KCNIP4: variants seen among roughly 807,000 people sequenced by gnomAD.
The protein encoded by KCNIP4 is potassium voltage-gated channel interacting protein 4.
In KCNIP4, 12 loss-of-function variants were observed where a neutral mutation model predicts 34.0. The observed-to-expected ratio is 0.35, with a 90% confidence interval of 0.23 to 0.57. The LOEUF is 0.57. KCNIP4 is among the 20% of genes least tolerant of loss of function. KCNIP4 has a pLI of 0.83. For missense variants in KCNIP4, 238 were observed against 311.7 expected (o/e 0.76, Z 1.78); for synonymous variants, 124 against 102.2 (o/e 1.21, Z -1.29).
chr4:21,840,719 A>T (rs944212666), intron 1 of KCNIP4, among the ~76,000 whole-genome samples: 14 of 152,282 alleles, frequency 9.2e-5, no homozygotes, highest in South Asian at 6.2e-4. Flanking sequence ...TTTAGTCTTG[A>T]ACAGACTGAA....
rs192585622 is a variant in KCNIP4 at position 20,877,699 on chromosome 4, G to A, written c.163+4909C>T. ...CAACTGGCTCTCCTGGGTGCCAACC[G>A]TATGAAATTTTCTTTTCCTCTCCTT... is the stretch of plus-strand genomic sequence containing the variant. On this transcript the variant is annotated intron_variant, in intron 2 of 8. Coordinates refer to ENST00000382152, the MANE Select transcript of KCNIP4 (RefSeq NM_025221.6). Among the ~76,000 whole-genome samples the A allele has an allele frequency of 1.8e-4, 27 of 152,210 alleles. No individual in the cohort carries two copies. The East Asian group carries it at 2.1e-3, about 12-fold the overall frequency.
In KCNIP4 at chr4:21,023,620, A is replaced by G. The variant is rs188308021; in HGVS notation, c.62-140911T>C. On this transcript the variant is annotated intron_variant, in intron 1 of 8. Transcript: ENST00000382152. The stretch of plus-strand genomic sequence containing the variant: ...GAAAATGAAAATCAAACTCACAATG[A>G]GGGCCAAGCACAGTGGCTCATACCT... Among the ~76,000 whole-genome samples, 3 of 152,258 alleles carry G rather than the reference A, an allele frequency of 2.0e-5. No homozygotes were observed. The East Asian group carries it at 5.8e-4, about 29-fold the overall frequency.
intron 1 of KCNIP4, among the ~76,000 whole-genome samples, chr4:21,616,714 T>C (rs994528058): frequency 1.3e-5 from 2 of 152,190 alleles, no homozygotes; most frequent in African/African-American, 4.8e-5. Context: ...TGGGCCTCCA[T>C]AGTCACATAG....
At chr4:21,461,975 T>G (rs1326895633) in intron 1 of KCNIP4, among the ~76,000 whole-genome samples, 1 of 152,056 alleles carries the variant, frequency 6.6e-6, no homozygotes, top group Non-Finnish European at 1.5e-5. Flanking sequence ...TATATGTATA[T>G]AATGCATGAT....
chr4:21,047,874 A>T (rs1269725194), intron 1 of KCNIP4, among the ~76,000 whole-genome samples: 1 of 152,192 alleles, frequency 6.6e-6, no homozygotes, highest in Non-Finnish European at 1.5e-5. Flanking sequence ...TCTCCTTTAA[A>T]GCTCATCAGA....
intron 1 of KCNIP4, among the ~76,000 whole-genome samples, chr4:20,984,712 G>T (rs1246685567): frequency 6.6e-6 from 1 of 152,176 alleles, no homozygotes; most frequent in East Asian, 1.9e-4. Flanking sequence ...ATTTACAAAG[G>T]TGGACGGAGG....
At chr4:21,599,355 G>A (rs894915228) in intron 1 of KCNIP4, among the ~76,000 whole-genome samples, 1 of 151,826 alleles carries the variant, frequency 6.6e-6, no homozygotes, top group Non-Finnish European at 1.5e-5. Context: ...TAATAATTAT[G>A]ATTTACTATT....
chr4:21,630,101 T>G (rs1745640122), intron 1 of KCNIP4, among the ~76,000 whole-genome samples: 1 of 150,770 alleles, frequency 6.6e-6, no homozygotes, highest in African/African-American at 2.4e-5. Context: ...TGGGCTCAAG[T>G]GATCCTTCCA....
chr4:21,389,970 C>A (rs1202764445), intron 1 of KCNIP4, among the ~76,000 whole-genome samples: 1 of 145,272 alleles, frequency 6.9e-6, no homozygotes, highest in East Asian at 2.0e-4. Flanking sequence ...CCTGTTGTTT[C>A]CTGACTTTTT....
chr4:21,349,288 C>A (rs1373700555), intron 1 of KCNIP4, among the ~76,000 whole-genome samples: 1 of 152,128 alleles, frequency 6.6e-6, no homozygotes, highest in Non-Finnish European at 1.5e-5. Context: ...TCACTTCCTT[C>A]TTCCAACCTA....
intron 1 of KCNIP4, among the ~76,000 whole-genome samples, chr4:21,790,999 A>G (rs566853648): frequency 1.0e-4 from 14 of 136,610 alleles, no homozygotes; most frequent in African/African-American, 2.9e-4. Flanking sequence ...AAAAAAAGTT[A>G]TATCTTGGAA....
chr4:20,765,882 G>A (rs1022773265), intron 3 of KCNIP4, among the ~76,000 whole-genome samples: 16 of 152,176 alleles, frequency 1.1e-4, no homozygotes, highest in African/African-American at 3.6e-4. Flanking sequence ...AGTCCTCTCA[G>A]GCCATGTGGG....
chr4:21,317,227 A>G (rs914302923), intron 1 of KCNIP4, among the ~76,000 whole-genome samples: 1 of 152,184 alleles, frequency 6.6e-6, no homozygotes, highest in South Asian at 2.1e-4. Flanking sequence ...CTTAACTTAC[A>G]TGCCAACTAT....
At chr4:20,956,935 T>C (rs1357897361) in intron 1 of KCNIP4, among the ~76,000 whole-genome samples, 1 of 152,224 alleles carries the variant, frequency 6.6e-6, no homozygotes, top group Non-Finnish European at 1.5e-5. Flanking sequence ...AAAACATTTT[T>C]ATATAAAGTT....
chr4:21,189,273 C>T (rs76504453), intron 1 of KCNIP4, among the ~76,000 whole-genome samples: 2,277 of 152,234 alleles, frequency 0.015, 62 homozygotes, highest in African/African-American at 0.052. Flanking sequence ...TTTTTAAAGG[C>T]ATTGTCTCCC....
intron 1 of KCNIP4, among the ~76,000 whole-genome samples, chr4:20,980,330 A>G (rs1735948106): frequency 6.6e-6 from 1 of 152,210 alleles, no homozygotes; most frequent in African/African-American, 2.4e-5. Context: ...TGAAATGATG[A>G]GCTTAATCTC....
chr4:21,009,541 C>T (rs1392829697), intron 1 of KCNIP4, among the ~76,000 whole-genome samples: 1 of 152,170 alleles, frequency 6.6e-6, no homozygotes, highest in Non-Finnish European at 1.5e-5. Flanking sequence ...TTACTTCCAG[C>T]CTGTCTCATG....
At chr4:21,472,985 C>T (rs1420065127) in intron 1 of KCNIP4, among the ~76,000 whole-genome samples, 1 of 152,122 alleles carries the variant, frequency 6.6e-6, no homozygotes, top group Non-Finnish European at 1.5e-5. Context: ...ATGTCAAAGC[C>T]ATCAGGTTTG....
intron 1 of KCNIP4, among the ~76,000 whole-genome samples, chr4:21,446,520 C>T (rs1392505115): frequency 6.6e-6 from 1 of 150,612 alleles, no homozygotes; most frequent in African/African-American, 2.4e-5. Context: ...CAAACTATCG[C>T]AAGCACAAAA....
Sources: allele counts gnomAD v4.1 joint callset (sites outside exome capture counted in the v4.1 genomes callset), GRCh38; gene constraint gnomAD v4.1.1; transcripts MANE v1.5; gene names NCBI Gene and HGNC (gene_info 2026-07-23, HGNC 2026-07-21).